The following TNFSF12 variants were observed in gnomAD, a reference collection of about 807,000 sequenced individuals.
The protein encoded by TNFSF12 is TNF superfamily member 12, also known as tumor necrosis factor ligand superfamily member 12.
A neutral mutation model predicts 31.2 loss-of-function variants in TNFSF12; 16 were observed. The ratio of observed to expected loss-of-function variants is 0.51; its 90% confidence interval spans 0.35 to 0.78. The LOEUF is 0.78. Ranked by LOEUF, TNFSF12 falls within the 30% of genes least tolerant of loss-of-function variation. The pLI is 0.01. For missense variants in TNFSF12, 324 were observed against 338.8 expected (o/e 0.96, Z 0.34); for synonymous variants, 150 against 151.4 (o/e 0.99, Z 0.07).
rs200575102 is a variant in TNFSF12 at position 7,549,317 on chromosome 17, G to C, written c.159+5G>C. On this transcript the variant is annotated splice_donor_5th_base_variant and intron_variant, in intron 1 of 6. Coordinates refer to ENST00000293825, the MANE Select transcript of TNFSF12 (RefSeq NM_003809.3). This position sits in a 1 kb window ranked among gnomAD's most constrained non-coding sequence, Gnocchi z 4.1. Reference sequence around the variant, plus strand: ...CGGGCATCGCTGTCCGCCCAGGTGAGGCCCCGCTGCGCACCCCTTCTTGGG... The same window carrying C: ...CGGGCATCGCTGTCCGCCCAGGTGACGCCCCGCTGCGCACCCCTTCTTGGG... The C allele has an allele frequency of 4.3e-6, 6 of 1,398,318 alleles. No homozygotes were observed. The Admixed American group carries it at 1.6e-4, about 36-fold the overall frequency. 86.6% of individuals were successfully genotyped at this position (1,398,318 alleles called of 1,614,324 possible).
chr17:7,553,611 G>A, intron 5 of TNFSF12: 1 of 1,298,330 alleles, frequency 7.7e-7, no homozygotes. Context: ...ACTTGTCTGA[G>A]GCCATGAGAT....
chr17:7,550,280 A>T lies in TNFSF12; in HGVS notation c.283+85A>T. ...GGAGAAACTGAGGCACGGAGGGTGAAAGGAGTTCAGAGTCATGCAGCTAAC... is the reference window on the plus strand; with the variant it reads ...GGAGAAACTGAGGCACGGAGGGTGATAGGAGTTCAGAGTCATGCAGCTAAC... On this transcript the variant is annotated intron_variant, in intron 3 of 6. Coordinates refer to ENST00000293825, the MANE Select transcript of TNFSF12 (RefSeq NM_003809.3). This position sits in a 1 kb window ranked among gnomAD's most constrained non-coding sequence, Gnocchi z 4.4. 2 of 1,601,038 alleles carry T rather than the reference A, an allele frequency of 1.2e-6. No homozygotes were observed. Among genetic ancestry groups the T allele is most frequent in the Non-Finnish European group, 1.7e-6 (2 of 1,171,688 alleles).
intron 5 of TNFSF12, 56 bp from the exon 6 acceptor site, chr17:7,556,722 A>C: frequency 7.1e-7 from 1 of 1,407,124 alleles, no homozygotes; most frequent in South Asian, 1.9e-5. Flanking sequence ...ATCCCTGGGG[A>C]GTGTGGGGGA....
chr17:7,553,674 G>C, intron 5 of TNFSF12: 3 of 1,303,824 alleles, frequency 2.3e-6, no homozygotes, highest in Non-Finnish European at 3.0e-6. Context: ...CTGTGTACTG[G>C]ACATGGTCTG....
intron 5 of TNFSF12, among the ~76,000 whole-genome samples, chr17:7,554,781 A>T (rs1718028541): frequency 7.6e-6 from 1 of 132,020 alleles, no homozygotes; most frequent in South Asian, 2.5e-4. Context: ...CGCCTGGCTA[A>T]TTTTTTTTTT....
At chr17:7,553,023 C>CTTTCTT (rs1567721053) in intron 5 of TNFSF12, among the ~76,000 whole-genome samples, 16 of 66,102 alleles carry the variant, frequency 2.4e-4, no homozygotes, top group South Asian at 5.6e-4. Context: ...CAGGGACAAC[C>CTTTCTT]TTTTTTTTTT....
rs773331642 is a variant in TNFSF12, at chr17:7,557,096, C to A, written c.499-3C>A. 1 of 1,609,272 alleles carries A rather than the reference C, an allele frequency of 6.2e-7. No homozygotes were observed. On this transcript the variant is annotated splice_region_variant and splice_polypyrimidine_tract_variant and intron_variant, in intron 6 of 6. Transcript: ENST00000293825. The surrounding 1 kb of genome is among the most constrained non-coding windows in gnomAD (Gnocchi z 5.2). ...TGGACTCGGCCTGTTGTCCCCACCC[C>A]AGGTGCACTTTGATGAGGGGAAGGC...
rs1416005576 is a variant in TNFSF12 at position 7,557,195 on chromosome 17, G to A, written c.595G>A (p.Ala199Thr). Residue 199 changes from alanine to threonine, a missense_variant, in exon 7 of 7, where the codon GCG becomes ACG. Transcript: ENST00000293825. This position sits in a 1 kb window ranked among gnomAD's most constrained non-coding sequence, Gnocchi z 5.2. ...LRCLEEFSATAASSLGPQLRL... is the reference protein window; with the variant it reads ...LRCLEEFSATTASSLGPQLRL... The stretch of plus-strand genomic sequence containing the variant: ...CTGCCTGGAGGAATTCTCAGCCACT[G>A]CGGCGAGTTCCCTCGGGCCCCAGCT... 6.8e-6 allele frequency: 11 copies of A among 1,612,088 alleles called. No individual in the cohort carries two copies. Among genetic ancestry groups the A allele is most frequent in the Middle Eastern group, 1.7e-4 (1 of 6,052 alleles).
At chr17:7,554,257 C>G (rs1373465447) in intron 5 of TNFSF12, among the ~76,000 whole-genome samples, 3 of 151,294 alleles carry the variant, frequency 2.0e-5, no homozygotes, top group African/African-American at 7.3e-5. Flanking sequence ...TGAAGACCTA[C>G]TGTTTGCTAG....
chr17:7,550,161 T>C lies in TNFSF12; in HGVS notation c.249T>C (p.Pro83=), dbSNP rs767275320. The C allele has an allele frequency of 2.5e-6, 4 of 1,614,122 alleles. No individual in the cohort carries two copies. The highest frequency in any genetic ancestry group is 1.1e-5 in the South Asian group (1 of 91,088). ...PQTEESQDPA[P]FLNRLVRPRR... ...CAGAAGAAAGCCAGGATCCTGCGCC[T>C]TTCCTGAACCGACTAGTTCGGCCTC... The change falls in exon 3 of 7, where the codon CCT becomes CCC. Residue 83 remains proline (P), a synonymous_variant. Coordinates refer to ENST00000293825, the MANE Select transcript of TNFSF12 (RefSeq NM_003809.3). This position sits in a 1 kb window ranked among gnomAD's most constrained non-coding sequence, Gnocchi z 4.4.
intron 5 of TNFSF12, among the ~76,000 whole-genome samples, chr17:7,554,216 A>ACATT (rs1006036558): frequency 9.9e-5 from 15 of 151,798 alleles, no homozygotes; most frequent in African/African-American, 2.7e-4. Flanking sequence ...AATTATCCAG[A>ACATT]CATTCATTCA....
At chr17:7,554,850 CT>C (rs1273659455) in intron 5 of TNFSF12, among the ~76,000 whole-genome samples, 2 of 151,884 alleles carry the variant, frequency 1.3e-5, no homozygotes, top group African/African-American at 4.8e-5. Flanking sequence ...ATCTCCTGAC[CT>C]CGTGATCCAC....
intron 5 of TNFSF12, chr17:7,553,729 G>C (rs1567721342): frequency 5.2e-5 from 66 of 1,264,326 alleles, no homozygotes; most frequent in Non-Finnish European, 6.6e-5. Flanking sequence ...GGTCCATGCA[G>C]GGGCCACATC....
At chr17:7,555,807 G>GA (rs1352849231) in intron 5 of TNFSF12, among the ~76,000 whole-genome samples, 2 of 152,008 alleles carry the variant, frequency 1.3e-5, no homozygotes, top group Non-Finnish European at 2.9e-5. Flanking sequence ...GCAAGAGTGG[G>GA]ATGAGGGGGG....
rs1307297065 is a variant in TNFSF12 at position 7,550,967 on chromosome 17, G to T, written c.362G>T (p.Gly121Val). The change falls in exon 5 of 7, where the codon GGA becomes GTA. Residue 121 changes from glycine to valine, a missense_variant. Gly to Val is a moderately radical substitution (Grantham distance 109, BLOSUM62 -3). Transcript: ENST00000293825. This position sits in a 1 kb window ranked among gnomAD's most constrained non-coding sequence, Gnocchi z 4.4. ...YEVHPRPGQD[G>V]AQAGVDGTVS... ...GTTCATCCACGACCTGGACAGGACG[G>T]AGCGCAGGCAGGTGAGACCCCATCC... The T allele has an allele frequency of 1.2e-6, 2 of 1,613,844 alleles. No individual in the cohort carries two copies. Among genetic ancestry groups the T allele is most frequent in the Non-Finnish European group, 1.7e-6 (2 of 1,180,014 alleles).
chr17:7,554,616 G>A (rs1388334498), intron 5 of TNFSF12, among the ~76,000 whole-genome samples: 2 of 129,290 alleles, frequency 1.5e-5, no homozygotes, highest in Non-Finnish European at 3.2e-5. Flanking sequence ...CGCCCAGCCG[G>A]TCAGACCCAT....
At chr17:7,554,571 T>G (rs543894877) in intron 5 of TNFSF12, among the ~76,000 whole-genome samples, 1 of 149,920 alleles carries the variant, frequency 6.7e-6, no homozygotes, top group African/African-American at 2.5e-5. Flanking sequence ...CAACTCGGCC[T>G]CCCAAAGTGC....
Position 7,549,585 on chromosome 17 carries a change from G to T in TNFSF12, c.207+64G>T, listed in dbSNP as rs1306632762. On this transcript the variant is annotated intron_variant, in intron 2 of 6. Coordinates refer to ENST00000293825, the MANE Select transcript of TNFSF12 (RefSeq NM_003809.3). The surrounding 1 kb of genome is among the most constrained non-coding windows in gnomAD (Gnocchi z 4.1). ...ATGGGAAGTGTGCACAGCCGAGGCT[G>T]CAGGTGTGTGCAGCTGTGCCAGCCG... 2 of 1,469,562 alleles carry T rather than the reference G, an allele frequency of 1.4e-6. No homozygotes were observed. Among genetic ancestry groups the T allele is most frequent in the Non-Finnish European group, 9.1e-7 (1 of 1,104,666 alleles). The allele number at this position is 1,469,562 out of a possible 1,614,324, so 91.0% of individuals were successfully genotyped here. A position where few individuals can be genotyped will look rare whatever the true frequency, so the allele number is the denominator to read the frequency against.
Position 7,549,513 on chromosome 17 carries a change from G to A in TNFSF12, c.199G>A (p.Asp67Asn). Residue 67 changes from aspartate (D) to asparagine (N), a missense_variant, in exon 2 of 7, where the codon GAC (aspartate) becomes AAC (asparagine). Coordinates refer to ENST00000293825, the MANE Select transcript of TNFSF12 (RefSeq NM_003809.3). The surrounding 1 kb of genome is among the most constrained non-coding windows in gnomAD (Gnocchi z 4.1). Reference protein sequence around the residue: ...QEELVAEEDQDPSELNPQTEE... With the variant: ...QEELVAEEDQNPSELNPQTEE... ...GGAGCTGGTGGCAGAGGAGGACCAGGACCCGTCGGTGAGTGGGCGTGGGCG... is the reference window on the plus strand; with the variant it reads ...GGAGCTGGTGGCAGAGGAGGACCAGAACCCGTCGGTGAGTGGGCGTGGGCG... The A allele has an allele frequency of 3.9e-6, 6 of 1,553,096 alleles. No homozygotes were observed. The highest frequency in any genetic ancestry group is 5.2e-6 in the Non-Finnish European group (6 of 1,146,306).
Sources: gnomAD v4.1 joint callset for allele counts (sites outside exome capture counted in the v4.1 genomes callset) on GRCh38, gnomAD v4.1.1 for gene constraint, Gnocchi (gnomAD v3.1) non-coding constraint, MANE v1.5 for transcripts, NCBI Gene and HGNC (gene_info 2026-07-23, HGNC 2026-07-21) for gene names.